The following NRXN1 variants were observed in gnomAD, a reference collection of about 807,000 sequenced individuals.
The protein encoded by NRXN1 is neurexin 1, also known as neurexin-1.
Under a neutral mutation model 150.9 loss-of-function variants are expected in NRXN1, and 39 were observed. The ratio of observed to expected loss-of-function variants is 0.26; its 90% CI spans 0.20 to 0.34. The LOEUF (loss-of-function observed/expected upper bound fraction) is 0.34. Among genes scored for constraint, NRXN1 ranks in the 10% least tolerant of loss-of-function variants. NRXN1 has a pLI of 1.00. For synonymous variants in NRXN1, 924 were observed against 757.0 expected (o/e 1.22, Z -3.62); for missense variants, 1,815 against 1,949.9 (o/e 0.93, Z 1.30).
intron 17 of NRXN1, among the ~76,000 whole-genome samples, chr2:50,310,889 T>A (rs1273321168): frequency 6.6e-6 from 1 of 152,196 alleles, no homozygotes; most frequent in African/African-American, 2.4e-5. Flanking sequence ...TGTGGTAGAA[T>A]AATGGATGAT....
intron 5 of NRXN1, among the ~76,000 whole-genome samples, chr2:50,710,782 T>A (rs1331255862): frequency 6.6e-6 from 1 of 152,224 alleles, no homozygotes; most frequent in African/African-American, 2.4e-5. Flanking sequence ...CTGCTTTTTT[T>A]GGCAAGGAAA....
In NRXN1 at chr2:50,571,645, TG is replaced by T. The variant is rs561761765; in HGVS notation, c.1321-18621del. Among the ~76,000 whole-genome samples the T allele has an allele frequency of 2.6e-5, 4 of 152,168 alleles. No homozygotes were observed. In the South Asian group the frequency reaches 8.3e-4, roughly 32 times the overall value. On this transcript the variant is annotated intron_variant, in intron 8 of 22. Coordinates refer to ENST00000401669, the MANE Select transcript of NRXN1 (RefSeq NM_001330078.2). ...TTTTTTTTTTTGGTTTGAAAAATTT[TG>T]GGGGACAAATAATATTTAAAAACTG...
At chr2:50,033,342 T>C (rs928694963) in intron 21 of NRXN1, among the ~76,000 whole-genome samples, 8 of 152,016 alleles carry the variant, frequency 5.3e-5, no homozygotes, top group African/African-American at 1.7e-4. Flanking sequence ...AACCATCTGA[T>C]CTTTAACAAA....
intron 17 of NRXN1, among the ~76,000 whole-genome samples, chr2:50,280,448 A>G (rs548022484): frequency 6.6e-6 from 1 of 152,236 alleles, no homozygotes; most frequent in South Asian, 2.1e-4. Flanking sequence ...ACCCCCATAT[A>G]GCCATGTGGC....
At chr2:50,005,970 C>T (rs986177352) in intron 21 of NRXN1, among the ~76,000 whole-genome samples, 6 of 152,100 alleles carry the variant, frequency 3.9e-5, no homozygotes, top group African/African-American at 9.7e-5. Context: ...AACTTGCCAC[C>T]GGTGTCCGTG....
intron 18 of NRXN1, among the ~76,000 whole-genome samples, chr2:50,115,796 T>A (rs1300668455): frequency 6.6e-6 from 1 of 152,108 alleles, no homozygotes; most frequent in Non-Finnish European, 1.5e-5. Flanking sequence ...ACTACTAGTC[T>A]ATCTCCAATG....
intron 2 of NRXN1, among the ~76,000 whole-genome samples, chr2:50,960,223 T>C (rs1378171352): frequency 6.6e-6 from 1 of 151,950 alleles, no homozygotes; most frequent in Non-Finnish European, 1.5e-5. Context: ...TCTGCCTCCA[T>C]AAGGCATTAA....
intron 5 of NRXN1, among the ~76,000 whole-genome samples, chr2:50,884,474 C>A (rs1200028266): frequency 1.3e-5 from 2 of 151,642 alleles, no homozygotes; most frequent in Non-Finnish European, 3.0e-5. Flanking sequence ...CCAACTTCTA[C>A]TAAAAAATAA....
At position 50,951,942 on chromosome 2, in the gene NRXN1, A is replaced by AAT. The variant is rs1165247495; in HGVS notation, c.773-25989_773-25988dup. Among the ~76,000 whole-genome samples the AAT allele has an allele frequency of 8.0e-3, 907 of 112,768 alleles. 34 individuals carry two copies. Among genetic ancestry groups the AAT allele is most frequent in the African/African-American group, 8.9e-3 (251 of 28,328 alleles). 74.0% of individuals were successfully genotyped at this position (112,768 alleles called of 152,430 possible). A position where few individuals can be genotyped will look rare whatever the true frequency, so the allele number is the denominator to read the frequency against. On this transcript the variant is annotated intron_variant, in intron 2 of 22. Transcript: ENST00000401669. ...AGAGTAGCAAAACTGTACATGAATAAATATATATATATATATATATATTTT... is the reference window on the plus strand; with the variant it reads ...AGAGTAGCAAAACTGTACATGAATAAATATATATATATATATATATATATTTT...
chr2:50,340,107 G>C (rs1252043780), intron 17 of NRXN1, among the ~76,000 whole-genome samples: 2 of 152,098 alleles, frequency 1.3e-5, no homozygotes, highest in Non-Finnish European at 2.9e-5. Context: ...CTTTAAATTT[G>C]TTTCCTTGTC....
At chr2:50,930,618 C>T (rs938748003) in intron 2 of NRXN1, among the ~76,000 whole-genome samples, 13 of 151,978 alleles carry the variant, frequency 8.6e-5, no homozygotes, top group South Asian at 2.1e-4. Context: ...CAGTTCTTCC[C>T]CAAGTCTAAA....
chr2:50,957,205 G>T (rs1692416145), intron 2 of NRXN1, among the ~76,000 whole-genome samples: 2 of 152,142 alleles, frequency 1.3e-5, no homozygotes. Flanking sequence ...TGGTCAAGAT[G>T]ATGCAAGCAG....
At chr2:50,500,181 G>A (rs1032543563) in intron 13 of NRXN1, among the ~76,000 whole-genome samples, 2 of 151,948 alleles carry the variant, frequency 1.3e-5, no homozygotes, top group Non-Finnish European at 2.9e-5. Flanking sequence ...GTTCTTACCA[G>A]CTCTAAAAGA....
chr2:50,833,580 A>G (rs754209981), intron 5 of NRXN1, among the ~76,000 whole-genome samples: 9 of 152,198 alleles, frequency 5.9e-5, no homozygotes, highest in Admixed American at 1.3e-4. Flanking sequence ...CATTTATACG[A>G]CATTCTCAAA....
intron 17 of NRXN1, among the ~76,000 whole-genome samples, chr2:50,301,312 C>T (rs555098594): frequency 7.9e-5 from 12 of 152,072 alleles, no homozygotes; most frequent in African/African-American, 2.4e-4. Flanking sequence ...TAAAACATAA[C>T]ATTATTATTT....
intron 21 of NRXN1, among the ~76,000 whole-genome samples, chr2:50,007,422 C>T (rs949676255): frequency 6.6e-6 from 1 of 152,050 alleles, no homozygotes; most frequent in Non-Finnish European, 1.5e-5. Context: ...TGATGTTCCC[C>T]TCCCTGTGTC....
chr2:50,311,509 G>T (rs973971336), intron 17 of NRXN1, among the ~76,000 whole-genome samples: 1 of 152,110 alleles, frequency 6.6e-6, no homozygotes, highest in East Asian at 1.9e-4. Flanking sequence ...AACCTGGATA[G>T]ATGAATTCTA....
chr2:50,832,213 G>C (rs772913822), intron 5 of NRXN1, among the ~76,000 whole-genome samples: 8 of 152,136 alleles, frequency 5.3e-5, no homozygotes, highest in African/African-American at 1.4e-4. Context: ...AAAAAAGTCA[G>C]ACAAAAATAA....
intron 17 of NRXN1, among the ~76,000 whole-genome samples, chr2:50,437,730 G>C (rs886250414): frequency 2.7e-5 from 4 of 150,098 alleles, no homozygotes; most frequent in Non-Finnish European, 5.9e-5. Flanking sequence ...GTGTGTGTGT[G>C]AAAAGACAAA....
Sources: allele counts gnomAD v4.1 joint callset (sites outside exome capture counted in the v4.1 genomes callset), GRCh38; gene constraint gnomAD v4.1.1; transcripts MANE v1.5; gene names NCBI Gene and HGNC (gene_info 2026-07-23, HGNC 2026-07-21).